ZNF536: variants seen among roughly 807,000 people sequenced by gnomAD.
ZNF536 encodes zinc finger protein 536.
Under a neutral mutation model 84.5 loss-of-function variants are expected in ZNF536, and 13 were observed. The observed-to-expected ratio is 0.15, with a 90% CI of 0.10 to 0.24. The LOEUF is 0.24. Ranked by LOEUF, ZNF536 falls within the 10% of genes least tolerant of loss-of-function variation. The pLI is 1.00. For synonymous variants in ZNF536, 811 were observed against 742.5 expected (o/e 1.09, Z -1.50); for missense variants, 1,536 against 1,747.5 (o/e 0.88, Z 2.16).
At chr19:30,605,370 A>G (rs2047833981) in intron 1 of ZNF536, among the ~76,000 whole-genome samples, 1 of 151,120 alleles carries the variant, frequency 6.6e-6, no homozygotes, top group African/African-American at 2.4e-5. Flanking sequence ...CCCAACATTC[A>G]TTATATCACT....
At chr19:30,489,280 TTTC>T (rs2054414476) in intron 2 of ZNF536, among the ~76,000 whole-genome samples, 1 of 152,176 alleles carries the variant, frequency 6.6e-6, no homozygotes, top group African/African-American at 2.4e-5. Flanking sequence ...AGAATAACAG[TTTC>T]AAAACATACT....
chr19:30,690,970 A>T (rs563010168), intron 1 of ZNF536, among the ~76,000 whole-genome samples: 1 of 152,334 alleles, frequency 6.6e-6, no homozygotes, highest in South Asian at 2.1e-4. Flanking sequence ...GCTTGACTGA[A>T]GATACCGGCT....
chr19:30,375,922 CTG>C (rs886635356), intron 1 of ZNF536, among the ~76,000 whole-genome samples: 2 of 151,854 alleles, frequency 1.3e-5, no homozygotes, highest in Admixed American at 6.6e-5. Flanking sequence ...ATTAGTGTGA[CTG>C]TGTGTGCTCA....
chr19:30,643,658 A>AGG lies in ZNF536; in HGVS notation c.170-67092_170-67091dup, dbSNP rs113800559. On this transcript the variant is annotated intron_variant, in intron 1 of 1. Transcript: ENST00000592773. ...CCAGCTATCGCAAAGCAATTTCTGC[A>AGG]GGGGGGGGTTTTGGGGCACCAACCT... Among the ~76,000 whole-genome samples, 150 of 151,642 alleles carry AGG rather than the reference A, an allele frequency of 9.9e-4. 1 individual carries two copies. The highest frequency in any genetic ancestry group is 3.4e-3 in the African/African-American group (139 of 41,322).
chr19:30,647,152 G>T (rs953501269), intron 1 of ZNF536, among the ~76,000 whole-genome samples: 3 of 152,046 alleles, frequency 2.0e-5, no homozygotes, highest in Non-Finnish European at 4.4e-5. Context: ...GTTTTGTTAC[G>T]TATGATCTCC....
At chr19:30,535,122 C>A in intron 3 of ZNF536, 123 bp downstream of exon 3, 10 of 1,160,916 alleles carry the variant, frequency 8.6e-6, no homozygotes, top group Non-Finnish European at 1.2e-5. Context: ...CTCCCTGGGC[C>A]TGTCTAGCCA....
intron 1 of ZNF536, among the ~76,000 whole-genome samples, chr19:30,395,363 A>G (rs1359760707): frequency 1.3e-5 from 2 of 152,220 alleles, no homozygotes; most frequent in Non-Finnish European, 2.9e-5. Flanking sequence ...CCTAAGACAC[A>G]CATCTGGTTT....
At chr19:30,537,118 C>A (rs1183569829) in intron 3 of ZNF536, among the ~76,000 whole-genome samples, 1 of 152,224 alleles carries the variant, frequency 6.6e-6, no homozygotes, top group Non-Finnish European at 1.5e-5. Context: ...TCTGTTTGTC[C>A]AGCTGTGTCC....
At chr19:30,572,075 G>T (rs1018800868) in intron 1 of ZNF536, among the ~76,000 whole-genome samples, 5 of 152,184 alleles carry the variant, frequency 3.3e-5, no homozygotes, top group African/African-American at 1.2e-4. Flanking sequence ...GGAAACATGG[G>T]TAAGAGGTGG....
intron 2 of ZNF536, among the ~76,000 whole-genome samples, chr19:30,528,939 G>A (rs1396464377): frequency 6.9e-6 from 1 of 145,904 alleles, no homozygotes; most frequent in African/African-American, 2.6e-5. Flanking sequence ...AAAAAAAAAA[G>A]CAGCGGGCAG....
rs1019359677 is a variant in ZNF536 at position 30,586,267 on chromosome 19, C to T, written c.169+36753C>T. Among the ~76,000 whole-genome samples, 13 of 152,226 alleles carry T rather than the reference C, an allele frequency of 8.5e-5. No individual in the cohort carries two copies. In the East Asian group the frequency reaches 2.3e-3, roughly 27 times the overall value. On this transcript the variant is annotated intron_variant, in intron 1 of 1. Coordinates refer to the ZNF536 transcript ENST00000592773. ...GGATGGAAGAAATTTTGATGGACAACTAGGTTGCTTCATTGTTCTATAGAG... is the reference window on the plus strand; with the variant it reads ...GGATGGAAGAAATTTTGATGGACAATTAGGTTGCTTCATTGTTCTATAGAG...
At chr19:30,550,549 AAGGAAGGC>A (rs368087018) in intron 4 of ZNF536, among the ~76,000 whole-genome samples, 347 of 151,932 alleles carry the variant, frequency 2.3e-3, no homozygotes, top group African/African-American at 7.6e-3. Flanking sequence ...TCACCTGTGG[AAGGAAGGC>A]AGGAAGGCAG....
At chr19:30,262,500 G>A (rs1247943844) in intron 1 of ZNF536, among the ~76,000 whole-genome samples, 1 of 152,220 alleles carries the variant, frequency 6.6e-6, no homozygotes, top group Non-Finnish European at 1.5e-5. Flanking sequence ...ACTGACAGAT[G>A]GGCAGCAAGG....
Position 30,550,467 on chromosome 19 carries a change from A to G in ZNF536, c.3895+953A>G, listed in dbSNP as rs769952717. Among the ~76,000 whole-genome samples the G allele has an allele frequency of 4.7e-4, 71 of 152,174 alleles. 1 individual carries two copies. Among genetic ancestry groups the G allele is most frequent in the Non-Finnish European group, 1.8e-4 (12 of 68,032 alleles). ...CTTCCCTTTGAAACCAGCTCCAAAT[A>G]TCCTCACCAGAGACAAATGACCATG... On this transcript the variant is annotated intron_variant, in intron 4 of 4. Coordinates refer to ENST00000355537, the MANE Select transcript of ZNF536 (RefSeq NM_014717.3).
intron 1 of ZNF536, among the ~76,000 whole-genome samples, chr19:30,671,677 A>G (rs1444082516): frequency 6.6e-6 from 1 of 152,122 alleles, no homozygotes; most frequent in Non-Finnish European, 1.5e-5. Context: ...ACATGGGGAT[A>G]TGTCTAACTA....
At chr19:30,384,943 T>C (rs567941793) in intron 1 of ZNF536, among the ~76,000 whole-genome samples, 1 of 152,210 alleles carries the variant, frequency 6.6e-6, no homozygotes, top group East Asian at 1.9e-4. Flanking sequence ...GAGGATCCCT[T>C]GAGCCCAGGC....
At chr19:30,579,482 C>A (rs910692056) in intron 1 of ZNF536, among the ~76,000 whole-genome samples, 7 of 152,158 alleles carry the variant, frequency 4.6e-5, no homozygotes, top group African/African-American at 1.4e-4. Flanking sequence ...TCTCTCATCT[C>A]CAGCAGGTTA....
At chr19:30,520,931 G>A (rs889692918) in intron 2 of ZNF536, among the ~76,000 whole-genome samples, 3 of 152,168 alleles carry the variant, frequency 2.0e-5, no homozygotes, top group Non-Finnish European at 4.4e-5. Flanking sequence ...CTCACCAGAC[G>A]GAGCCCAGAG....
At chr19:30,336,462 T>G (rs1415803351) in intron 2 of ZNF536, among the ~76,000 whole-genome samples, 1 of 152,216 alleles carries the variant, frequency 6.6e-6, no homozygotes. Context: ...CCAGAGGGAT[T>G]GCATAAACAA....
Sources: allele counts gnomAD v4.1 joint callset (sites outside exome capture counted in the v4.1 genomes callset), GRCh38; gene constraint gnomAD v4.1.1; transcripts MANE v1.5; gene names NCBI Gene and HGNC (gene_info 2026-07-23, HGNC 2026-07-21).